Variants in OPRD1 observed in about 807,000 individuals in gnomAD.
OPRD1 encodes the protein delta-type opioid receptor.
In OPRD1, 19 loss-of-function variants were observed where a neutral mutation model predicts 17.5. The observed-to-expected ratio is 1.09, with a 90% CI of 0.76 to 1.60. The LOEUF is 1.60. OPRD1 is among the 40% of genes most tolerant of loss of function. The probability of loss-of-function intolerance (pLI) is 0.00; values close to 1 mark genes in which losing one functional copy is unlikely to be tolerated. For missense variants in OPRD1, 483 were observed against 547.2 expected (o/e 0.88, Z 1.17); for synonymous variants, 256 against 240.9 (o/e 1.06, Z -0.58).
chr1:28,818,094 C>CTGTA (rs2088684347), intron 1 of OPRD1, among the ~76,000 whole-genome samples: 1 of 152,228 alleles, frequency 6.6e-6, no homozygotes, highest in Non-Finnish European at 1.5e-5. Context: ...CATGGAAAGG[C>CTGTA]TGTAGCATAG....
chr1:28,827,855 G>A (rs1296618965), intron 1 of OPRD1, among the ~76,000 whole-genome samples: 1 of 152,076 alleles, frequency 6.6e-6, no homozygotes, highest in South Asian at 2.1e-4. Context: ...CTACCAAGTT[G>A]CTGGGACTAC....
intron 1 of OPRD1, among the ~76,000 whole-genome samples, chr1:28,847,010 T>TCCTTTCCTGTCC (rs371733664): frequency 2.4e-5 from 3 of 124,908 alleles, no homozygotes; most frequent in Admixed American, 8.2e-5. Context: ...TCCCTTCCTT[T>TCCTTTCCTGTCC]CCTTTCCTGT....
intron 1 of OPRD1, among the ~76,000 whole-genome samples, chr1:28,815,900 C>T (rs578208562): frequency 3.3e-5 from 5 of 152,264 alleles, no homozygotes; most frequent in Admixed American, 3.3e-4. Context: ...AGAGCTGTGG[C>T]TCTGGACCAG....
intron 1 of OPRD1, among the ~76,000 whole-genome samples, chr1:28,817,359 G>A (rs1047100274): frequency 1.3e-5 from 2 of 152,202 alleles, no homozygotes; most frequent in Non-Finnish European, 2.9e-5. Flanking sequence ...GCAGCACCCA[G>A]CAGGGAGGGG....
intron 1 of OPRD1, among the ~76,000 whole-genome samples, chr1:28,857,517 G>C (rs1449674919): frequency 6.6e-6 from 1 of 151,778 alleles, no homozygotes; most frequent in Non-Finnish European, 1.5e-5. Context: ...CAACCACTCC[G>C]GAGTACAGTG....
chr1:28,825,693 G>A (rs114560872), intron 1 of OPRD1, among the ~76,000 whole-genome samples: 166 of 152,306 alleles, frequency 1.1e-3, no homozygotes, highest in African/African-American at 3.6e-3. Context: ...CCAAGAAGTG[G>A]GTTCTTACAC....
intron 1 of OPRD1, among the ~76,000 whole-genome samples, chr1:28,836,209 G>A (rs955312061): frequency 6.6e-5 from 10 of 152,212 alleles, no homozygotes; most frequent in African/African-American, 2.2e-4. Flanking sequence ...CCATAAACTG[G>A]GTGACTTAAA....
At chr1:28,851,878 A>G (rs1330360331) in intron 1 of OPRD1, among the ~76,000 whole-genome samples, 28 of 141,834 alleles carry the variant, frequency 2.0e-4, no homozygotes, top group African/African-American at 6.0e-4. Flanking sequence ...AAAAAAAAAA[A>G]AAGAAGAAGC....
At position 28,859,140 on chromosome 1, in the gene OPRD1, G is replaced by A. The variant is rs980851818; in HGVS notation, c.414G>A (p.Thr138=). 6.2e-6 allele frequency: 10 copies of A among 1,614,114 alleles called. No homozygotes were observed. Among genetic ancestry groups the A allele is most frequent in the East Asian group, 4.5e-5 (2 of 44,902 alleles). The stretch of plus-strand genomic sequence containing the variant: ...ACAATATGTTCACCAGCATCTTCAC[G>A]CTCACCATGATGAGTGTTGACCGCT... The part of the protein sequence containing the change: ...DYYNMFTSIF[T]LTMMSVDRYI... Residue 138 remains threonine (T), a synonymous_variant, in exon 2 of 3, where the codon ACG becomes ACA. Transcript: ENST00000234961.
intron 1 of OPRD1, among the ~76,000 whole-genome samples, chr1:28,824,014 C>T (rs2088740402): frequency 6.6e-6 from 1 of 150,964 alleles, no homozygotes; most frequent in African/African-American, 2.4e-5. Context: ...TTTTTCTCTA[C>T]TAAAAATAAA....
At chr1:28,822,081 A>G (rs1005465683) in intron 1 of OPRD1, among the ~76,000 whole-genome samples, 3 of 151,410 alleles carry the variant, frequency 2.0e-5, no homozygotes, top group African/African-American at 7.3e-5. Flanking sequence ...CCTCCCGAGT[A>G]GCTGGGATTA....
intron 1 of OPRD1, among the ~76,000 whole-genome samples, chr1:28,846,846 T>TTTTCTTTCTTTC (rs1553150754): frequency 0.023 from 1,750 of 76,794 alleles, 10 homozygotes; most frequent in Middle Eastern, 0.034. Context: ...TCTTTCTTTC[T>TTTTCTTTCTTTC]TTTCTTTCTT....
intron 1 of OPRD1, among the ~76,000 whole-genome samples, chr1:28,847,653 G>C (rs1343951550): frequency 2.0e-5 from 3 of 151,998 alleles, no homozygotes; most frequent in Non-Finnish European, 4.4e-5. Context: ...GGACAACATG[G>C]TGAAACCCTG....
At chr1:28,845,478 CAAA>C (rs11361906) in intron 1 of OPRD1, among the ~76,000 whole-genome samples, 6 of 121,702 alleles carry the variant, frequency 4.9e-5, no homozygotes, top group Non-Finnish European at 1.7e-5. Flanking sequence ...GACTCCATCT[CAAA>C]AAAAAAAAAA....
chr1:28,845,346 G>A (rs1057341543), intron 1 of OPRD1, among the ~76,000 whole-genome samples: 5 of 151,908 alleles, frequency 3.3e-5, no homozygotes, highest in South Asian at 2.1e-4. Context: ...AAAATTAGCC[G>A]GGCATGCTGG....
At chr1:28,821,402 C>T (rs1490120689) in intron 1 of OPRD1, among the ~76,000 whole-genome samples, 1 of 152,096 alleles carries the variant, frequency 6.6e-6, no homozygotes, top group Non-Finnish European at 1.5e-5. Flanking sequence ...GCCACCGTGC[C>T]CAGCTTATTT....
At position 28,863,196 on chromosome 1, in the gene OPRD1, C is replaced by T; in HGVS notation, c.1032C>T (p.Ser344=). ...CCTGCGGCCGCCCAGACCCCAGCAG[C>T]TTCAGCCGCGCCCGCGAAGCCACGG... is the stretch of plus-strand genomic sequence containing the variant. ...RKPCGRPDPS[S]FSRAREATAR... is the part of the protein sequence containing the mutation. The change falls in exon 3 of 3, where the codon AGC becomes AGT. Residue 344 remains serine (S), a synonymous_variant. Coordinates refer to ENST00000234961, the MANE Select transcript of OPRD1 (RefSeq NM_000911.4). The T allele has an allele frequency of 6.3e-7, 1 of 1,590,808 alleles. No individual in the cohort carries two copies. Among genetic ancestry groups the T allele is most frequent in the Non-Finnish European group, 8.5e-7 (1 of 1,174,394 alleles).
intron 1 of OPRD1, among the ~76,000 whole-genome samples, chr1:28,834,381 C>CTTTTTTTTTTT (rs11306242): frequency 8.2e-6 from 1 of 121,808 alleles, no homozygotes. Flanking sequence ...TTCTTTTTTT[C>CTTTTTTTTTTT]TTTTTTTTTT....
chr1:28,853,588 A>C (rs532445785), intron 1 of OPRD1, among the ~76,000 whole-genome samples: 12 of 152,378 alleles, frequency 7.9e-5, no homozygotes, highest in Non-Finnish European at 1.3e-4. Context: ...AATCACTATA[A>C]GAATAGCTAA....
Sources: gnomAD v4.1 joint callset for allele counts (sites outside exome capture counted in the v4.1 genomes callset) on GRCh38, gnomAD v4.1.1 for gene constraint, MANE v1.5 for transcripts, NCBI Gene and HGNC (gene_info 2026-07-23, HGNC 2026-07-21) for gene names.